DMD: variants seen among roughly 807,000 people sequenced by gnomAD.
DMD encodes mutant dystrophin.
A neutral mutation model predicts 330.1 loss-of-function variants in DMD; 63 were observed. The observed-to-expected ratio is 0.19, with a 90% CI of 0.16 to 0.24. The LOEUF is 0.24. DMD is among the 10% of genes least tolerant of loss of function. DMD has a pLI of 1.00. For missense variants in DMD, 3,344 were observed against 2,684.1 expected (o/e 1.25, Z -5.43); for synonymous variants, 1,223 against 959.8 (o/e 1.27, Z -5.07).
chrX:31,611,519 G>A (rs111535264), intron 55 of DMD, among the ~76,000 whole-genome samples: 54 of 111,983 alleles, frequency 4.8e-4, no homozygotes, highest in African/African-American at 1.6e-3. Flanking sequence ...ACTTAAAAGC[G>A]AATAGGCTTT....
At chrX:32,794,207 CA>C (rs998129705) in intron 7 of DMD, among the ~76,000 whole-genome samples, 3 of 111,076 alleles carry the variant, frequency 2.7e-5, no homozygotes, top group East Asian at 5.7e-4. Context: ...ACTAGGCATA[CA>C]AAAAAAATTA....
chrX:31,295,514 A>G (rs2054119249), intron 62 of DMD, among the ~76,000 whole-genome samples: 1 of 109,296 alleles, frequency 9.1e-6, no homozygotes, highest in Non-Finnish European at 1.9e-5. Flanking sequence ...CCCAAGTCCA[A>G]GCGATTCTCC....
In DMD at chrX:31,496,835, T is replaced by A; in HGVS notation, c.8500A>T (p.Ile2834Phe). ...TGAACTGCTGGAAAGTCGCCTCCAA[T>A]AGGTGCCTGCCGGCTTAATTCATCA... Reference protein sequence around the residue: ...KDDELSRQAPIGGDFPAVQKQ... With the variant: ...KDDELSRQAPFGGDFPAVQKQ... The change falls in exon 57 of 79, where the codon ATT becomes TTT. Residue 2834 changes from isoleucine (I) to phenylalanine (F), a missense_variant. Coordinates refer to ENST00000357033, the MANE Select transcript of DMD (RefSeq NM_004006.3). The A allele has an allele frequency of 8.3e-7, 1 of 1,212,083 alleles. No individual in the cohort carries two copies. Among genetic ancestry groups the A allele is most frequent in the East Asian group, 3.0e-5 (1 of 33,840 alleles).
chrX:32,055,532 C>T (rs1458116605), intron 44 of DMD, among the ~76,000 whole-genome samples: 2 of 111,356 alleles, frequency 1.8e-5, no homozygotes, highest in East Asian at 2.8e-4. Flanking sequence ...ATGTTCCCAA[C>T]ACAAATAAAT....
chrX:32,738,517 A>G (rs2148147090), intron 7 of DMD, among the ~76,000 whole-genome samples: 1 of 111,976 alleles, frequency 8.9e-6, no homozygotes, highest in South Asian at 3.7e-4. Context: ...AACTCCAGGT[A>G]AAGTAGCTGG....
chrX:32,039,631 CA>C (rs376991282), intron 44 of DMD, among the ~76,000 whole-genome samples: 6 of 111,553 alleles, frequency 5.4e-5, no homozygotes, highest in African/African-American at 2.0e-4. Flanking sequence ...TAGTAGAATC[CA>C]AATAAACGAT....
chrX:31,132,417 AG>A (rs763867536), intron 77 of DMD, among the ~76,000 whole-genome samples: 1 of 111,651 alleles, frequency 9.0e-6, no homozygotes, highest in East Asian at 2.8e-4. Flanking sequence ...AAAGGAGTCT[AG>A]GAAGTCAAGG....
chrX:33,179,838 CT>C (rs761219197), intron 1 of DMD, among the ~76,000 whole-genome samples: 1,229 of 99,920 alleles, frequency 0.012, 14 homozygotes, highest in African/African-American at 0.035. Flanking sequence ...TTAAAAAGTG[CT>C]TTTTTTTTTT....
chrX:33,191,111 C>T (rs1450200709), intron 1 of DMD, among the ~76,000 whole-genome samples: 2 of 94,191 alleles, frequency 2.1e-5, no homozygotes, highest in Admixed American at 1.3e-4. Flanking sequence ...TCATTACCCG[C>T]GCAAATAAGT....
At chrX:31,341,891 G>GCGCGCGCACACACA (rs374298104) in intron 61 of DMD, among the ~76,000 whole-genome samples, 39 of 98,887 alleles carry the variant, frequency 3.9e-4, no homozygotes, top group African/African-American at 1.4e-3. Context: ...GTGCGCGCGC[G>GCGCGCGCACACACA]CACACACACA....
intron 1 of DMD, among the ~76,000 whole-genome samples, chrX:33,086,628 A>C (rs2040722825): frequency 9.0e-6 from 1 of 110,677 alleles, no homozygotes; most frequent in African/African-American, 3.3e-5. Flanking sequence ...TGAATTGCTA[A>C]TTAATACTTC....
chrX:31,982,037 A>G (rs868238305), intron 44 of DMD, among the ~76,000 whole-genome samples: 1 of 112,301 alleles, frequency 8.9e-6, no homozygotes, highest in Non-Finnish European at 1.9e-5. Context: ...ACACTTGTTA[A>G]CAAAGACAAC....
At chrX:31,555,868 C>T (rs1348032371) in intron 55 of DMD, among the ~76,000 whole-genome samples, 4 of 111,583 alleles carry the variant, frequency 3.6e-5, no homozygotes, top group Non-Finnish European at 5.6e-5. Context: ...ATATCTTTCC[C>T]GTTTGCTTCT....
intron 59 of DMD, among the ~76,000 whole-genome samples, chrX:31,476,308 A>G (rs1358617537): frequency 2.9e-5 from 3 of 105,252 alleles, no homozygotes; most frequent in African/African-American, 1.0e-4. Flanking sequence ...AGATATATCT[A>G]TATCTATATC....
chrX:32,299,750 G>A (rs2097514401), intron 42 of DMD, among the ~76,000 whole-genome samples: 1 of 110,651 alleles, frequency 9.0e-6, no homozygotes. Flanking sequence ...TCCTTGTAGG[G>A]CTGTTATGAT....
At chrX:33,063,956 AT>A (rs1189191356) in intron 1 of DMD, among the ~76,000 whole-genome samples, 3 of 111,647 alleles carry the variant, frequency 2.7e-5, no homozygotes, top group Non-Finnish European at 5.6e-5. Flanking sequence ...TACATTTTTA[AT>A]TTTTTCGTGT....
chrX:32,023,329 A>C (rs1039940071), intron 44 of DMD, among the ~76,000 whole-genome samples: 4 of 111,132 alleles, frequency 3.6e-5, no homozygotes, highest in African/African-American at 1.3e-4. Context: ...TTTATCATCA[A>C]ATAATGCTAG....
intron 9 of DMD, among the ~76,000 whole-genome samples, chrX:32,689,035 A>T (rs919461190): frequency 1.8e-5 from 2 of 111,221 alleles, no homozygotes; most frequent in Non-Finnish European, 3.8e-5. Context: ...TTTTTTGAAG[A>T]TCAGAAATAA....
intron 2 of DMD, among the ~76,000 whole-genome samples, chrX:32,910,471 C>T (rs1274258803): frequency 9.0e-6 from 1 of 110,851 alleles, no homozygotes; most frequent in East Asian, 2.9e-4. Context: ...CACTGTCACC[C>T]GGGCTGGAGT....
Sources: allele counts gnomAD v4.1 joint callset (sites outside exome capture counted in the v4.1 genomes callset), GRCh38; gene constraint gnomAD v4.1.1; transcripts MANE v1.5; gene names NCBI Gene and HGNC (gene_info 2026-07-23, HGNC 2026-07-21).